The following CEP128 variants were observed in gnomAD, a reference collection of about 807,000 sequenced individuals.
CEP128 encodes the protein centrosomal protein 128kDa.
In CEP128, 132 loss-of-function variants were observed where a neutral mutation model predicts 156.7. The observed-to-expected ratio is 0.84, with a 90% confidence interval of 0.73 to 0.97. The LOEUF (loss-of-function observed/expected upper bound fraction) is 0.97, where lower values mean the gene tolerates loss of function less well. Ranked by LOEUF, CEP128 falls within the 50% of genes least tolerant of loss-of-function variation. The pLI is 0.00. For missense variants in CEP128, 1,252 were observed against 1,281.9 expected, an observed-to-expected ratio of 0.98 and a Z score of 0.36; for synonymous variants, 469 against 448.9, an observed-to-expected ratio of 1.04 and a Z score of -0.57.
chr14:80,810,310 A>G (rs66492142), intron 13 of CEP128, among the ~76,000 whole-genome samples: 45,944 of 117,394 alleles, frequency 0.39, 9,681 homozygotes, highest in African/African-American at 0.42. Context: ...GCGACAGAGC[A>G]AGACTCCATC....
At position 80,814,196 on chromosome 14, in the gene CEP128, A is replaced by G. The variant is rs146960599; in HGVS notation, c.1209+16947T>C. ...ACCTGGGGTTCTTAGAGCTTCTAAA[A>G]TATGTGAATTGATGTATTTTCTCTT... is the stretch of plus-strand genomic sequence containing the variant. On this transcript the variant is annotated intron_variant, in intron 13 of 24. Transcript: ENST00000555265. Among the ~76,000 whole-genome samples the G allele has an allele frequency of 6.4e-3, 973 of 152,290 alleles. 10 individuals are homozygous for G. The highest frequency in any genetic ancestry group is 0.022 in the African/African-American group (926 of 41,566).
intron 21 of CEP128, among the ~76,000 whole-genome samples, chr14:80,553,295 T>C (rs539509043): frequency 1.3e-5 from 2 of 152,280 alleles, no homozygotes; most frequent in African/African-American, 4.8e-5. Context: ...CCTGTGTCCA[T>C]GTGTTCTCAT....
chr14:80,764,429 G>A (rs1341238219), intron 16 of CEP128, among the ~76,000 whole-genome samples: 1 of 151,674 alleles, frequency 6.6e-6, no homozygotes, highest in Non-Finnish European at 1.5e-5. Context: ...AACCCGGGAA[G>A]CAGAGCTTGC....
intron 19 of CEP128, among the ~76,000 whole-genome samples, chr14:80,736,074 G>A (rs1898513116): frequency 6.6e-6 from 1 of 151,986 alleles, no homozygotes; most frequent in African/African-American, 2.4e-5. Flanking sequence ...GGCAGAGGAG[G>A]GAGGGAATAG....
Position 80,743,243 on chromosome 14 carries a change from C to T in CEP128, c.2638G>A (p.Glu880Lys), listed in dbSNP as rs754902471. ...SKTKLQWLCE[E>K]LKERENREKN... ...TCTCTGTTTTCTCTCTCTTTCAGTTCCTCACAGAGCCACTGAAGTTTAGTC... is the reference window on the plus strand; with the variant it reads ...TCTCTGTTTTCTCTCTCTTTCAGTTTCTCACAGAGCCACTGAAGTTTAGTC... Residue 880 changes from glutamate (E) to lysine (K), a missense_variant, in exon 19 of 25, where the codon GAA becomes AAA. Glu to Lys is a moderately conservative substitution (Grantham distance 56, BLOSUM62 1). Coordinates refer to ENST00000555265, the MANE Select transcript of CEP128 (RefSeq NM_152446.5). The T allele has an allele frequency of 2.5e-6, 4 of 1,612,412 alleles. No individual in the cohort carries two copies. The South Asian group carries it at 4.4e-5, about 18-fold the overall frequency.
At chr14:80,671,600 G>A (rs1167985967) in intron 19 of CEP128, among the ~76,000 whole-genome samples, 2 of 152,030 alleles carry the variant, frequency 1.3e-5, no homozygotes, top group Admixed American at 1.3e-4. Context: ...CTCTGTCAAG[G>A]ACAAGCCATG....
intron 19 of CEP128, among the ~76,000 whole-genome samples, chr14:80,604,623 C>A (rs1167693889): frequency 5.9e-5 from 9 of 152,060 alleles, no homozygotes; most frequent in Admixed American, 5.9e-4. Flanking sequence ...TTTTACAAAC[C>A]ATCCCGTGCC....
intron 13 of CEP128, among the ~76,000 whole-genome samples, chr14:80,823,890 G>A (rs983942171): frequency 7.9e-5 from 12 of 152,332 alleles, no homozygotes; most frequent in East Asian, 3.9e-4. Context: ...GACAATGTGC[G>A]GGGATTCCAA....
At chr14:80,632,974 T>C (rs991743374) in intron 19 of CEP128, among the ~76,000 whole-genome samples, 20 of 152,082 alleles carry the variant, frequency 1.3e-4, no homozygotes, top group African/African-American at 4.1e-4. Context: ...ACACCTGTAA[T>C]CCAGTACTTC....
Position 80,776,261 on chromosome 14 carries a change from T to A in CEP128, c.2376+1621A>T, listed in dbSNP as rs368319947. On this transcript the variant is annotated intron_variant, in intron 16 of 24. Coordinates refer to ENST00000555265, the MANE Select transcript of CEP128 (RefSeq NM_152446.5). ...AAATTAGAATTTTATTTTGAAAAAG[T>A]TGAAAAATTTAGCATTATCACCAGA... Among the ~76,000 whole-genome samples the A allele has an allele frequency of 3.3e-5, 5 of 152,160 alleles. No homozygotes were observed. The East Asian group carries it at 5.8e-4, about 18-fold the overall frequency.
At chr14:80,943,180 TG>T (rs1886236684), upstream of CEP128, among the ~76,000 whole-genome samples, 1 of 152,258 alleles carries the variant, frequency 6.6e-6, no homozygotes, top group Admixed American at 6.5e-5. Flanking sequence ...AAATGTATGC[TG>T]TATATTTCTA....
At chr14:80,951,448 G>C (rs1382484516) in intron 2 of CEP128, among the ~76,000 whole-genome samples, 1 of 152,094 alleles carries the variant, frequency 6.6e-6, no homozygotes, top group Non-Finnish European at 1.5e-5. Context: ...TCAACTGAAT[G>C]TGGACTATGA....
intron 21 of CEP128, among the ~76,000 whole-genome samples, chr14:80,545,472 G>A (rs911739173): frequency 9.2e-5 from 14 of 152,140 alleles, no homozygotes; most frequent in Admixed American, 6.5e-4. Context: ...AAAGATAATG[G>A]TTTTGTAAAT....
chr14:80,677,379 C>T (rs1202531706), intron 19 of CEP128, among the ~76,000 whole-genome samples: 2 of 151,878 alleles, frequency 1.3e-5, no homozygotes, highest in Admixed American at 6.6e-5. Context: ...GTGGTGGTGA[C>T]TGCCTGTGGT....
chr14:80,836,790 C>T (rs1262436891), intron 11 of CEP128, among the ~76,000 whole-genome samples: 1 of 152,134 alleles, frequency 6.6e-6, no homozygotes. Flanking sequence ...TGAATAAACT[C>T]TAAACTCCTT....
chr14:80,538,662 C>A (rs914823269), intron 21 of CEP128, among the ~76,000 whole-genome samples: 2 of 152,200 alleles, frequency 1.3e-5, no homozygotes, highest in Admixed American at 1.3e-4. Context: ...CATTAATACA[C>A]GTTCCCTCAC....
chr14:80,706,975 T>C (rs537654864), intron 19 of CEP128, among the ~76,000 whole-genome samples: 2 of 152,288 alleles, frequency 1.3e-5, no homozygotes, highest in African/African-American at 4.8e-5. Flanking sequence ...ATCCATTTGG[T>C]ACTTTTGCAT....
chr14:80,685,660 T>C (rs1472427268), intron 19 of CEP128, among the ~76,000 whole-genome samples: 4 of 152,058 alleles, frequency 2.6e-5, no homozygotes, highest in Admixed American at 2.6e-4. Flanking sequence ...AAAATAATCC[T>C]AAGCAAAAAG....
Position 80,795,770 on chromosome 14 carries a change from A to G in CEP128, c.1210-2660T>C, listed in dbSNP as rs927267086. Among the ~76,000 whole-genome samples the G allele has an allele frequency of 4.6e-5, 7 of 152,282 alleles. No homozygotes were observed. The South Asian group carries it at 1.5e-3, about 32-fold the overall frequency. On this transcript the variant is annotated intron_variant, in intron 13 of 24. Coordinates refer to ENST00000555265, the MANE Select transcript of CEP128 (RefSeq NM_152446.5). ...CAGAAGTAAAATTGGGCAGGCAGTT[A>G]ATGCAGGATACCCCAAATATGTCCT...
Sources: gnomAD v4.1 joint callset for allele counts (sites outside exome capture counted in the v4.1 genomes callset) on GRCh38, gnomAD v4.1.1 for gene constraint, MANE v1.5 for transcripts, NCBI Gene and HGNC (gene_info 2026-07-23, HGNC 2026-07-21) for gene names.